QKI: variants seen among roughly 807,000 people sequenced by gnomAD.
QKI encodes the protein KH domain-containing RNA-binding protein QKI.
QKI carries 10 observed loss-of-function variants against 39.0 expected under a neutral mutation model. The ratio of observed to expected loss-of-function variants is 0.26; its 90% CI spans 0.16 to 0.43. The LOEUF is 0.43. Ranked by LOEUF, QKI falls within the 20% of genes least tolerant of loss-of-function variation. QKI has a pLI of 1.00. For synonymous variants in QKI, 204 were observed against 155.4 expected (o/e 1.31, Z -2.33); for missense variants, 218 against 428.0 (o/e 0.51, Z 4.33).
chr6:163,458,094 GAGTT>G (rs1791065483), intron 2 of QKI, among the ~76,000 whole-genome samples: 2 of 152,156 alleles, frequency 1.3e-5, no homozygotes, highest in Admixed American at 6.5e-5. Context: ...TGAGGTTAGA[GAGTT>G]AGCACAGGGG....
chr6:163,431,888 G>T (rs1049553723), intron 1 of QKI, among the ~76,000 whole-genome samples: 3 of 149,662 alleles, frequency 2.0e-5, no homozygotes, highest in African/African-American at 4.9e-5. Flanking sequence ...GGATTTGAGA[G>T]ATCGTAGACC....
In QKI at chr6:163,563,510, G is replaced by A. The variant is rs142647102; in HGVS notation, c.725G>A (p.Arg242His). 1.9e-6 allele frequency: 3 copies of A among 1,614,012 alleles called. No individual in the cohort carries two copies. The highest frequency in any genetic ancestry group is 1.3e-5 in the African/African-American group (1 of 74,922). Residue 242 changes from arginine to histidine, a missense_variant, in exon 6 of 8, where the codon CGT (arginine) becomes CAT (histidine). By Grantham distance (29) the Arg-to-His change is conservative (BLOSUM62 0). Around this residue, in one of 3 missense-constraint regions of QKI, gnomAD observed 117 missense variants for 186.0 expected, o/e 0.63. Coordinates refer to ENST00000361752, the MANE Select transcript of QKI (RefSeq NM_006775.3). Reference protein sequence around the residue: ...PAPVLPPAALRTPTPAGPTIM... With the variant: ...PAPVLPPAALHTPTPAGPTIM... ...CCGGTTCTCCCACCAGCTGCCCTGC[G>A]TACTCCTACGCCAGCTGGCCCTACC...
chr6:163,568,796 T>C (rs1783531234), intron 7 of QKI: 3 of 985,106 alleles, frequency 3.0e-6, no homozygotes, highest in Non-Finnish European at 3.6e-6. Flanking sequence ...ACTCACCTCT[T>C]TATATATATT....
chr6:163,494,947 ACT>A (rs1162973961), intron 3 of QKI, among the ~76,000 whole-genome samples: 2 of 151,114 alleles, frequency 1.3e-5, no homozygotes, highest in Non-Finnish European at 3.0e-5. Context: ...ACAGAGTCAC[ACT>A]CTGTCGTCCA....
At chr6:163,451,804 A>G (rs947070907) in intron 1 of QKI, among the ~76,000 whole-genome samples, 2 of 152,180 alleles carry the variant, frequency 1.3e-5, no homozygotes, top group African/African-American at 4.8e-5. Context: ...TTAGTTATGA[A>G]GCATTCCTAT....
chr6:163,432,689 G>A (rs544632532), intron 1 of QKI, among the ~76,000 whole-genome samples: 7 of 151,732 alleles, frequency 4.6e-5, no homozygotes, highest in African/African-American at 1.5e-4. Context: ...TTTGTTAAGA[G>A]TAGTCTCTCT....
chr6:163,518,653 T>A (rs1779973397), intron 3 of QKI, among the ~76,000 whole-genome samples: 1 of 152,184 alleles, frequency 6.6e-6, no homozygotes, highest in Admixed American at 6.5e-5. Context: ...ATTTCATTGA[T>A]GAGCAAGAGA....
At chr6:163,491,840 TA>T (rs1194169258) in intron 3 of QKI, among the ~76,000 whole-genome samples, 4 of 152,230 alleles carry the variant, frequency 2.6e-5, no homozygotes, top group Non-Finnish European at 5.9e-5. Flanking sequence ...AGTAAAGTAA[TA>T]CTTTAACCTG....
Position 163,577,197 on chromosome 6 carries a change from C to G in QKI, c.*6487C>G, listed in dbSNP as rs1454227196. 1 of 152,098 alleles carries G rather than the reference C, an allele frequency of 6.6e-6. No homozygotes were observed. Among genetic ancestry groups the G allele is most frequent in the Non-Finnish European group, 1.5e-5 (1 of 68,020 alleles). The allele number at this position is 152,098 out of a possible 1,614,324, so 9.4% of individuals were successfully genotyped here. ...CAGTCTTTCTTATTTATATCATCTCCAAGTACCTCTGGCTCCTTTCCTCTT... is the reference window on the plus strand; with the variant it reads ...CAGTCTTTCTTATTTATATCATCTCGAAGTACCTCTGGCTCCTTTCCTCTT... On this transcript the variant is annotated 3_prime_UTR_variant, in exon 8 of 8. Transcript: ENST00000361752.
intron 2 of QKI, among the ~76,000 whole-genome samples, chr6:163,475,807 C>T (rs1332112412): frequency 6.6e-6 from 1 of 152,062 alleles, no homozygotes; most frequent in Non-Finnish European, 1.5e-5. Context: ...ATCTTGGTGA[C>T]CTTAGGGTGG....
chr6:163,457,286 A>C (rs967391752), intron 2 of QKI: 17 of 455,522 alleles, frequency 3.7e-5, no homozygotes, highest in Non-Finnish European at 6.2e-5. Context: ...GTATTTATGC[A>C]TTCTTTAAAA....
chr6:163,444,900 ACTTTT>A (rs1790032224), intron 1 of QKI, among the ~76,000 whole-genome samples: 1 of 151,784 alleles, frequency 6.6e-6, no homozygotes, highest in Non-Finnish European at 1.5e-5. Context: ...CAAAGCAAAC[ACTTTT>A]TAATTATTAT....
chr6:163,494,769 A>G (rs1319713594), intron 3 of QKI, among the ~76,000 whole-genome samples: 2 of 151,874 alleles, frequency 1.3e-5, no homozygotes, highest in African/African-American at 4.8e-5. Flanking sequence ...GGTGTCTAGG[A>G]TTTAGGATTC....
At chr6:163,516,949 G>A (rs1250855192) in intron 3 of QKI, among the ~76,000 whole-genome samples, 1 of 151,914 alleles carries the variant, frequency 6.6e-6, no homozygotes, top group Non-Finnish European at 1.5e-5. Flanking sequence ...GCCATAATGG[G>A]ATGTTATAAG....
In QKI at chr6:163,561,884, A is replaced by T. The variant is rs534346840; in HGVS notation, c.547-98A>T. ...TCCCCTTATTAAAACAGGTGACTGT[A>T]GTCACATGATACTTACTTTAAGGCT... is the stretch of plus-strand genomic sequence containing the variant. On this transcript the variant is annotated intron_variant, in intron 4 of 7. Transcript: ENST00000361752. The T allele has an allele frequency of 8.4e-4, 701 of 832,330 alleles. 1 individual carries two copies. Among genetic ancestry groups the T allele is most frequent in the Non-Finnish European group, 7.9e-4 (427 of 537,864 alleles). 51.6% of individuals were successfully genotyped at this position (832,330 alleles called of 1,614,324 possible). A position where few individuals can be genotyped will look rare whatever the true frequency, so the allele number is the denominator to read the frequency against.
intron 1 of QKI, among the ~76,000 whole-genome samples, chr6:163,426,822 G>A (rs1391436870): frequency 6.6e-6 from 1 of 152,156 alleles, no homozygotes; most frequent in Non-Finnish European, 1.5e-5. Context: ...TTTGCTAGTT[G>A]CTTCAAATGG....
At chr6:163,439,220 C>T (rs1183682296) in intron 1 of QKI, among the ~76,000 whole-genome samples, 3 of 152,034 alleles carry the variant, frequency 2.0e-5, no homozygotes, top group African/African-American at 7.2e-5. Context: ...TTAATAATAG[C>T]AGATTCTTGA....
chr6:163,542,710 G>A (rs561995910), intron 4 of QKI, among the ~76,000 whole-genome samples: 1 of 152,088 alleles, frequency 6.6e-6, no homozygotes, highest in South Asian at 2.1e-4. Flanking sequence ...TTGTGTGTTT[G>A]TTTTCTCTGT....
intron 3 of QKI, among the ~76,000 whole-genome samples, chr6:163,525,608 C>T (rs1780458773): frequency 1.3e-5 from 2 of 152,098 alleles, no homozygotes. Context: ...CCTCCCCCCT[C>T]CCCGCCTCGG....
Sources: allele counts gnomAD v4.1 joint callset (sites outside exome capture counted in the v4.1 genomes callset), GRCh38; gene constraint gnomAD v4.1.1; regional missense constraint gnomAD v4.1.1; transcripts MANE v1.5; gene names NCBI Gene and HGNC (gene_info 2026-07-23, HGNC 2026-07-21).